NT5DC1: variants seen among roughly 807,000 people sequenced by gnomAD.
The protein encoded by NT5DC1 is 5'-nucleotidase domain-containing protein 1.
In NT5DC1, 42 loss-of-function variants were observed where a neutral mutation model predicts 59.4. That is an observed-to-expected ratio of 0.71 (90% CI 0.55 to 0.92). The LOEUF (loss-of-function observed/expected upper bound fraction) is 0.92, where lower values mean the gene tolerates loss of function less well. Ranked by LOEUF, NT5DC1 falls within the 40% of genes least tolerant of loss-of-function variation. The pLI is 0.00. For missense variants in NT5DC1, 501 were observed against 537.1 expected (o/e 0.93, Z 0.66); for synonymous variants, 172 against 188.1 (o/e 0.91, Z 0.70).
chr6:116,175,798 C>G (rs1266727938), intron 6 of NT5DC1, among the ~76,000 whole-genome samples: 2 of 152,120 alleles, frequency 1.3e-5, no homozygotes, highest in African/African-American at 2.4e-5. Flanking sequence ...AATATCCTAT[C>G]TACCCATTAA....
chr6:116,166,571 G>T (rs779620024), intron 6 of NT5DC1, among the ~76,000 whole-genome samples: 2 of 152,154 alleles, frequency 1.3e-5, no homozygotes, highest in African/African-American at 2.4e-5. Context: ...TCCTGGCATC[G>T]ATCTCCATTT....
At chr6:116,207,267 A>G (rs986380678) in intron 6 of NT5DC1, among the ~76,000 whole-genome samples, 10 of 151,252 alleles carry the variant, frequency 6.6e-5, no homozygotes, top group African/African-American at 2.4e-4. Flanking sequence ...GGGAAAAAAT[A>G]TTTCTGTACC....
intron 6 of NT5DC1, among the ~76,000 whole-genome samples, chr6:116,192,258 A>G (rs988901110): frequency 6.6e-6 from 1 of 152,044 alleles, no homozygotes; most frequent in Non-Finnish European, 1.5e-5. Flanking sequence ...GTGAGATAAT[A>G]TATGTGTTAT....
chr6:116,231,148 T>TC (rs34977850), intron 8 of NT5DC1, among the ~76,000 whole-genome samples: 40,759 of 116,304 alleles, frequency 0.35, 7,803 homozygotes, highest in East Asian at 0.71. Context: ...GAATGGTAAA[T>TC]CCCCCCCCCA....
At chr6:116,159,094 A>T (rs2114421126) in intron 6 of NT5DC1, among the ~76,000 whole-genome samples, 1 of 152,290 alleles carries the variant, frequency 6.6e-6, no homozygotes, top group East Asian at 1.9e-4. Flanking sequence ...CTACTTACTA[A>T]CTAGCAATGT....
intron 6 of NT5DC1, among the ~76,000 whole-genome samples, chr6:116,155,103 C>T (rs946540658): frequency 6.6e-6 from 1 of 152,072 alleles, no homozygotes; most frequent in African/African-American, 2.4e-5. Context: ...CGGTTTTTGC[C>T]ATTACTTTCA....
At chr6:116,156,637 CTT>C (rs1365292960) in intron 6 of NT5DC1, among the ~76,000 whole-genome samples, 1 of 152,134 alleles carries the variant, frequency 6.6e-6, no homozygotes, top group African/African-American at 2.4e-5. Flanking sequence ...TGAAAGATGA[CTT>C]TGGTCATGTA....
At chr6:116,209,150 A>G (rs1277489767) in intron 6 of NT5DC1, among the ~76,000 whole-genome samples, 1 of 152,058 alleles carries the variant, frequency 6.6e-6, no homozygotes, top group African/African-American at 2.4e-5. Context: ...TCCCGTAGTT[A>G]TTAAATACTA....
At chr6:116,148,250 G>T (rs1779947666) in intron 6 of NT5DC1, among the ~76,000 whole-genome samples, 1 of 152,092 alleles carries the variant, frequency 6.6e-6, no homozygotes, top group Non-Finnish European at 1.5e-5. Context: ...ATTTTTCATT[G>T]TATGCCAGCC....
At chr6:116,241,944 C>CAAAAAAA (rs1173659223) in intron 11 of NT5DC1, among the ~76,000 whole-genome samples, 1 of 34,416 alleles carries the variant, frequency 2.9e-5, no homozygotes, top group Non-Finnish European at 4.4e-5. Context: ...AAAAACAAAA[C>CAAAAAAA]AAAAAAAAAA....
intron 6 of NT5DC1, among the ~76,000 whole-genome samples, chr6:116,163,135 A>ATATATAT (rs1554197048): frequency 5.1e-5 from 5 of 98,542 alleles, no homozygotes; most frequent in East Asian, 3.7e-4. Flanking sequence ...TCAAAAAAAA[A>ATATATAT]AAAAAAATAT....
At position 116,114,529 on chromosome 6, in the gene NT5DC1, TGGG is replaced by T. The variant is rs199814768; in HGVS notation, c.365-1158_365-1156del. Reference sequence around the variant, plus strand: ...AACCTCATATACATAGCTTGCAAATTGGGGGGAGGGGGGGGGAGTCAAAATCAG... The same window carrying T: ...AACCTCATATACATAGCTTGCAAATTGGGAGGGGGGGGGAGTCAAAATCAG... On this transcript the variant is annotated intron_variant, in intron 4 of 11. Transcript: ENST00000319550. 1.9e-3 allele frequency among the ~76,000 whole-genome samples: 48 copies of T among 25,268 alleles called. 1 individual carries two copies. Among genetic ancestry groups the T allele is most frequent in the Admixed American group, 2.6e-3 (4 of 1,568 alleles). The allele number at this position is 25,268 out of a possible 152,430, so 16.6% of individuals were successfully genotyped here.
intron 6 of NT5DC1, among the ~76,000 whole-genome samples, chr6:116,155,835 G>A (rs1780178201): frequency 6.6e-6 from 1 of 151,150 alleles, no homozygotes; most frequent in African/African-American, 2.4e-5. Flanking sequence ...TTTTTAAAGA[G>A]CAGATACAGA....
chr6:116,125,302 A>G, intron 6 of NT5DC1: 1 of 1,599,694 alleles, frequency 6.3e-7, no homozygotes, highest in Non-Finnish European at 8.5e-7. Context: ...AGCAACAAGC[A>G]ACTTGTTAAT....
intron 11 of NT5DC1, among the ~76,000 whole-genome samples, chr6:116,241,922 C>CAAAAAAAAAAAAAAACAAA (rs1771733221): frequency 9.5e-5 from 1 of 10,546 alleles, no homozygotes; most frequent in Non-Finnish European, 1.5e-4. Context: ...GACTCCGTCT[C>CAAAAAAAAAAAAAAACAAA]AAAAAAAAAA....
intron 6 of NT5DC1, among the ~76,000 whole-genome samples, chr6:116,212,324 A>T (rs1781597497): frequency 6.6e-6 from 1 of 152,112 alleles, no homozygotes; most frequent in Non-Finnish European, 1.5e-5. Flanking sequence ...GTAGTGCCTC[A>T]TTAAAATAGC....
At chr6:116,236,938 G>A (rs1441858716) in intron 8 of NT5DC1, 28 bp from the exon 9 acceptor site, 2 of 1,410,522 alleles carry the variant, frequency 1.4e-6, no homozygotes, top group East Asian at 2.3e-5. Flanking sequence ...TGATTAAAAA[G>A]TATATGATTG....
At chr6:116,115,146 A>G (rs1038734300) in intron 4 of NT5DC1, among the ~76,000 whole-genome samples, 4 of 152,246 alleles carry the variant, frequency 2.6e-5, no homozygotes, top group Non-Finnish European at 5.9e-5. Context: ...TACCTGTCCT[A>G]TACTCTACAG....
At position 116,237,022 on chromosome 6, in the gene NT5DC1, C is replaced by G; in HGVS notation, c.859C>G (p.Gln287Glu). 6.2e-7 allele frequency: 1 copy of G among 1,613,222 alleles called. No homozygotes were observed. The highest frequency in any genetic ancestry group is 8.5e-7 in the Non-Finnish European group (1 of 1,179,262). ...PSLDKPGWYS[Q>E]GNAVHLYELL... is the part of the protein sequence containing the mutation. ...TCTGGATAAACCTGGCTGGTACTCC[C>G]AAGGGAACGCTGTCCACCTCTATGA... The change falls in exon 9 of 12, where the codon CAA (glutamine) becomes GAA (glutamate). Residue 287 changes from glutamine to glutamate, a missense_variant. Coordinates refer to ENST00000319550, the MANE Select transcript of NT5DC1 (RefSeq NM_152729.3).
Sources: gnomAD v4.1 joint callset for allele counts (sites outside exome capture counted in the v4.1 genomes callset) on GRCh38, gnomAD v4.1.1 for gene constraint, MANE v1.5 for transcripts, NCBI Gene and HGNC (gene_info 2026-07-23, HGNC 2026-07-21) for gene names.